The following ATXN7L1 variants were observed in gnomAD, a reference collection of about 807,000 sequenced individuals.
The protein encoded by ATXN7L1 is ataxin-7-like protein 1.
Under a neutral mutation model 70.8 loss-of-function variants are expected in ATXN7L1, and 15 were observed. The observed-to-expected ratio is 0.21, with a 90% CI of 0.14 to 0.33. The LOEUF is 0.33. ATXN7L1 is among the 10% of genes least tolerant of loss of function. ATXN7L1 has a pLI of 1.00. For missense variants in ATXN7L1, 975 were observed against 1,097.1 expected, an observed-to-expected ratio of 0.89 and a Z score of 1.57; for synonymous variants, 440 against 445.1, an observed-to-expected ratio of 0.99 and a Z score of 0.14.
intron 3 of ATXN7L1, among the ~76,000 whole-genome samples, chr7:105,735,341 G>T (rs1797261357): frequency 6.6e-6 from 1 of 152,126 alleles, no homozygotes; most frequent in South Asian, 2.1e-4. Flanking sequence ...CAGGGTCCAG[G>T]ACCTTCCATC....
chr7:105,711,184 C>G (rs2116269921), intron 3 of ATXN7L1, among the ~76,000 whole-genome samples: 1 of 152,266 alleles, frequency 6.6e-6, no homozygotes, highest in East Asian at 1.9e-4. Context: ...AAACCCATCC[C>G]CATGATCCAA....
chr7:105,815,498 C>T lies in ATXN7L1; in HGVS notation c.251-26790G>A, dbSNP rs558934451. ...ATTAGTAACACTGGAAGCTGGAAGG[C>T]AGTGAAGTGTTAGCTTCAAAAGTTG... On this transcript the variant is annotated intron_variant, in intron 2 of 11. Coordinates refer to ENST00000419735, the MANE Select transcript of ATXN7L1 (RefSeq NM_020725.2). Among the ~76,000 whole-genome samples, 12 of 152,284 alleles carry T rather than the reference C, an allele frequency of 7.9e-5. No individual in the cohort carries two copies. In the East Asian group the frequency reaches 2.3e-3, roughly 29 times the overall value.
chr7:105,619,775 C>T (rs747265227), intron 9 of ATXN7L1, among the ~76,000 whole-genome samples: 17 of 151,406 alleles, frequency 1.1e-4, no homozygotes, highest in African/African-American at 3.9e-4. Context: ...CCAGGCTGAT[C>T]GCAAACTCCT....
At chr7:105,739,830 C>T (rs1475901534) in intron 3 of ATXN7L1, among the ~76,000 whole-genome samples, 2 of 152,188 alleles carry the variant, frequency 1.3e-5, no homozygotes, top group Non-Finnish European at 2.9e-5. Flanking sequence ...AACATGACCT[C>T]TAGGTCTTTT....
chr7:105,750,063 CT>C (rs1280265467), intron 3 of ATXN7L1, among the ~76,000 whole-genome samples: 1 of 151,810 alleles, frequency 6.6e-6, no homozygotes, highest in African/African-American at 2.4e-5. Flanking sequence ...TTGGGATTGA[CT>C]TTTTTCTTCC....
chr7:105,700,396 A>G (rs990081113), intron 3 of ATXN7L1, among the ~76,000 whole-genome samples: 37 of 150,412 alleles, frequency 2.5e-4, no homozygotes, highest in African/African-American at 8.8e-4. Flanking sequence ...TGTCCCAGCT[A>G]CTTAGGAGGC....
chr7:105,739,944 C>T (rs1267009161), intron 3 of ATXN7L1, among the ~76,000 whole-genome samples: 4 of 152,178 alleles, frequency 2.6e-5, no homozygotes, highest in African/African-American at 7.2e-5. Flanking sequence ...TTTAAACATT[C>T]AACAGTTCAA....
At chr7:105,716,893 GA>G (rs888727945) in intron 3 of ATXN7L1, among the ~76,000 whole-genome samples, 17 of 146,254 alleles carry the variant, frequency 1.2e-4, no homozygotes, top group Admixed American at 2.7e-4. Flanking sequence ...AAAAGTAAAT[GA>G]AAAAAAAAGA....
chr7:105,782,053 G>C (rs1294727322), intron 3 of ATXN7L1, among the ~76,000 whole-genome samples: 1 of 152,138 alleles, frequency 6.6e-6, no homozygotes, highest in Non-Finnish European at 1.5e-5. Flanking sequence ...GGCTGGTCTC[G>C]AACTCCTGAG....
At chr7:105,801,749 G>A in intron 2 of ATXN7L1, among the ~76,000 whole-genome samples, 1 of 152,156 alleles carries the variant, frequency 6.6e-6, no homozygotes, top group East Asian at 1.9e-4. Flanking sequence ...GCTCATGACA[G>A]CCAATTGTGC....
chr7:105,803,142 A>G (rs1323331570), intron 2 of ATXN7L1, among the ~76,000 whole-genome samples: 3 of 152,232 alleles, frequency 2.0e-5, no homozygotes, highest in Admixed American at 1.3e-4. Flanking sequence ...GACTCTTAAC[A>G]GGACTCAATG....
chr7:105,783,552 T>C (rs918903082), intron 3 of ATXN7L1, among the ~76,000 whole-genome samples: 6 of 152,154 alleles, frequency 3.9e-5, no homozygotes, highest in African/African-American at 9.7e-5. Context: ...CAATCATGCA[T>C]GGAACCTCCA....
intron 2 of ATXN7L1, among the ~76,000 whole-genome samples, chr7:105,870,464 AATAATG>A (rs1368287704): frequency 4.6e-5 from 7 of 152,186 alleles, no homozygotes; most frequent in African/African-American, 1.7e-4. Flanking sequence ...TAGCTTCATT[AATAATG>A]ATAATAATAG....
intron 3 of ATXN7L1, among the ~76,000 whole-genome samples, chr7:105,786,965 C>T (rs147766184): frequency 6.6e-5 from 10 of 152,312 alleles, no homozygotes; most frequent in South Asian, 4.1e-4. Flanking sequence ...GCACTGGTCA[C>T]GGAGCTTCTA....
At chr7:105,615,634 C>T (rs1015780621) in intron 9 of ATXN7L1, among the ~76,000 whole-genome samples, 17 of 152,208 alleles carry the variant, frequency 1.1e-4, no homozygotes, top group South Asian at 6.2e-4. Context: ...ACACCCCACA[C>T]GGGTCTTCTT....
At chr7:105,811,040 A>G (rs1808353376) in intron 2 of ATXN7L1, among the ~76,000 whole-genome samples, 1 of 152,210 alleles carries the variant, frequency 6.6e-6, no homozygotes, top group South Asian at 2.1e-4. Context: ...ACAGATGAAG[A>G]AAGTTACGGG....
At chr7:105,673,534 A>T (rs1003373372) in intron 3 of ATXN7L1, among the ~76,000 whole-genome samples, 7 of 152,222 alleles carry the variant, frequency 4.6e-5, no homozygotes, top group African/African-American at 1.7e-4. Flanking sequence ...GGTGCTTGGC[A>T]AGTCATTAGC....
intron 7 of ATXN7L1, 147 bp from the exon 8 acceptor site, chr7:105,624,414 G>A (rs1483118480): frequency 3.1e-5 from 22 of 705,222 alleles, no homozygotes; most frequent in Non-Finnish European, 4.2e-5. Context: ...CACTTTGGGA[G>A]GCCAAGGCGG....
At chr7:105,646,158 TA>T (rs1422940891) in intron 4 of ATXN7L1, among the ~76,000 whole-genome samples, 1 of 150,024 alleles carries the variant, frequency 6.7e-6, no homozygotes, top group East Asian at 2.0e-4. Flanking sequence ...AAAATAGAAA[TA>T]AAAATTAGCC....
Sources: allele counts gnomAD v4.1 joint callset (sites outside exome capture counted in the v4.1 genomes callset), GRCh38; gene constraint gnomAD v4.1.1; transcripts MANE v1.5; gene names NCBI Gene and HGNC (gene_info 2026-07-23, HGNC 2026-07-21).